Variants in SLC25A38 observed in about 807,000 individuals in gnomAD.
SLC25A38 encodes the protein solute carrier family 25 member 38, also known as mitochondrial glycine transporter.
Under a neutral mutation model 33.4 loss-of-function variants are expected in SLC25A38, and 27 were observed. That is an observed-to-expected ratio of 0.81 (90% CI 0.60 to 1.11). SLC25A38 has a LOEUF of 1.11. Among genes scored for constraint, SLC25A38 ranks in the 50% most tolerant of loss-of-function variants. SLC25A38 has a pLI of 0.00. For synonymous variants in SLC25A38, 123 were observed against 145.9 expected, an observed-to-expected ratio of 0.84 and a Z score of 1.13; for missense variants, 344 against 388.8, an observed-to-expected ratio of 0.88 and a Z score of 0.97.
rs760036812 is a variant in SLC25A38 at position 39,391,593 on chromosome 3, T to C, written c.429T>C (p.Pro143=). The C allele has an allele frequency of 5.6e-6, 9 of 1,614,118 alleles. No individual in the cohort carries two copies. In the East Asian group the frequency reaches 2.0e-4, roughly 36 times the overall value. ...SRSVAGVCMS[P]ITVIKTRYES... Reference sequence around the variant, plus strand: ...CTGTTGCAGGGGTCTGTATGTCACCTATCACTGTAATCAAGACGCGCTATG... The same window carrying C: ...CTGTTGCAGGGGTCTGTATGTCACCCATCACTGTAATCAAGACGCGCTATG... The change falls in exon 4 of 7, where the codon CCT becomes CCC. Residue 143 remains proline, a synonymous_variant. Coordinates refer to ENST00000650617, the MANE Select transcript of SLC25A38 (RefSeq NM_017875.4).
chr3:39,391,970 T>C lies in SLC25A38; in HGVS notation c.574T>C (p.Ser192Pro). 6.2e-7 allele frequency: 1 copy of C among 1,614,236 alleles called. No homozygotes were observed. Among genetic ancestry groups the C allele is most frequent in the South Asian group, 1.1e-5 (1 of 91,082 alleles). The change falls in exon 5 of 7, where the codon TCA (serine) becomes CCA (proline). Residue 192 changes from serine to proline, a missense_variant. Transcript: ENST00000650617. ...AACTCTCCTTCGAGATGCGCCCTTC[T>C]CAGGAATCTACCTGATGTTTTACAA... ...TATLLRDAPFSGIYLMFYNQT... is the reference protein window; with the variant it reads ...TATLLRDAPFPGIYLMFYNQT...
At chr3:39,390,070 A>G (rs1273604018) in intron 2 of SLC25A38, among the ~76,000 whole-genome samples, 1 of 152,172 alleles carries the variant, frequency 6.6e-6, no homozygotes, top group African/African-American at 2.4e-5. Context: ...CCTCCCAGGT[A>G]GCTGGGATTG....
chr3:39,384,231 G>T (rs576561628), intron 1 of SLC25A38, among the ~76,000 whole-genome samples: 1 of 152,336 alleles, frequency 6.6e-6, no homozygotes, highest in East Asian at 1.9e-4. Context: ...GCCCGCGGGC[G>T]GCGGCCTACC....
chr3:39,394,388 T>C (rs373398777), intron 5 of SLC25A38, 22 bp from the exon 6 acceptor site: 25 of 1,607,926 alleles, frequency 1.6e-5, no homozygotes, highest in Non-Finnish European at 2.1e-5. Flanking sequence ...TATGTCCACA[T>C]GTTACCTTTG....
In SLC25A38 at chr3:39,396,383, T is replaced by C; in HGVS notation, c.793-15T>C. 3.1e-6 allele frequency: 5 copies of C among 1,614,054 alleles called. No homozygotes were observed. The highest frequency in any genetic ancestry group is 4.2e-6 in the Non-Finnish European group (5 of 1,180,008). On this transcript the variant is annotated splice_polypyrimidine_tract_variant and intron_variant, in intron 6 of 6. Coordinates refer to ENST00000650617, the MANE Select transcript of SLC25A38 (RefSeq NM_017875.4). ...TACTTTGCTTCCAGAGTTCTGACAT[T>C]TATTTTCACCATAGGACTATGGACT...
At chr3:39,391,347 C>G in intron 3 of SLC25A38, 94 bp from the exon 4 acceptor site, 1 of 1,559,840 alleles carries the variant, frequency 6.4e-7, no homozygotes, top group Non-Finnish European at 8.8e-7. Context: ...CACTTGCATG[C>G]GAATCATCTT....
rs1464404843 is a variant in SLC25A38 at position 39,383,682 on chromosome 3, C to T, written c.-43C>T. On this transcript the variant is annotated 5_prime_UTR_variant, in exon 1 of 7. Coordinates refer to ENST00000650617, the MANE Select transcript of SLC25A38 (RefSeq NM_017875.4). ...TCCAGGGCTGGGCCCAAGCGCCCGT[C>T]GACGGCACCCTGGGCCCAGAGGACT... The T allele has an allele frequency of 1.9e-6, 3 of 1,612,040 alleles. No individual in the cohort carries two copies. The highest frequency in any genetic ancestry group is 8.5e-7 in the Non-Finnish European group (1 of 1,178,432).
intron 5 of SLC25A38, 58 bp from the exon 6 acceptor site, chr3:39,394,352 G>A: frequency 1.2e-6 from 2 of 1,607,248 alleles, no homozygotes; most frequent in Non-Finnish European, 1.7e-6. Flanking sequence ...AACTTGCACT[G>A]ACCTTTATCT....
Position 39,394,374 on chromosome 3 carries a change from G to C in SLC25A38, c.626-36G>C, listed in dbSNP as rs870843. 499,784 of 1,610,960 alleles carry C rather than the reference G, an allele frequency of 0.31. 78,630 individuals are homozygous for C. The highest frequency in any genetic ancestry group is 0.32 in the Non-Finnish European group (379,649 of 1,179,106). On this transcript the variant is annotated intron_variant, in intron 5 of 6. Transcript: ENST00000650617. ...ACTGACCTTTATCTGATTAATATAA[G>C]ATCTATGTCCACATGTTACCTTTGT...
intron 1 of SLC25A38, chr3:39,387,995 C>G (rs1360382193): frequency 1.3e-5 from 2 of 152,402 alleles, no homozygotes; most frequent in Non-Finnish European, 2.9e-5. Flanking sequence ...GGGACTGGCA[C>G]AGAGCAAGTG....
At chr3:39,395,052 T>A (rs979311789) in intron 6 of SLC25A38, among the ~76,000 whole-genome samples, 1 of 152,138 alleles carries the variant, frequency 6.6e-6, no homozygotes, top group African/African-American at 2.4e-5. Context: ...CTGGGCCACA[T>A]TGGAAGAAGA....
chr3:39,394,390 T>C lies in SLC25A38; in HGVS notation c.626-20T>C. ...TTAATATAAGATCTATGTCCACATG[T>C]TACCTTTGTTCTATTTCAGACCAGG... On this transcript the variant is annotated intron_variant, in intron 5 of 6. Coordinates refer to ENST00000650617, the MANE Select transcript of SLC25A38 (RefSeq NM_017875.4). The C allele has an allele frequency of 6.2e-7, 1 of 1,612,220 alleles. No individual in the cohort carries two copies. Among genetic ancestry groups the C allele is most frequent in the East Asian group, 2.2e-5 (1 of 44,870 alleles).
At chr3:39,383,895 A>G in intron 1 of SLC25A38, 102 bp downstream of exon 1, 8 of 1,314,086 alleles carry the variant, frequency 6.1e-6, no homozygotes, top group Non-Finnish European at 8.6e-6. Context: ...TCCGCGCCCC[A>G]GGGTGCGCTC....
intron 4 of SLC25A38, 76 bp from the exon 5 acceptor site, chr3:39,391,777 T>A: frequency 6.2e-7 from 1 of 1,607,712 alleles, no homozygotes; most frequent in South Asian, 1.1e-5. Context: ...TAATGCCCCA[T>A]AACCTGCAGT....
Position 39,386,932 on chromosome 3 carries a change from G to A in SLC25A38, c.70-2563G>A, listed in dbSNP as rs528119919. 1.6e-4 allele frequency among the ~76,000 whole-genome samples: 25 copies of A among 152,340 alleles called. 1 individual carries two copies. Among genetic ancestry groups the A allele is most frequent in the African/African-American group, 5.8e-4 (24 of 41,574 alleles). The stretch of plus-strand genomic sequence containing the variant: ...TGGCCATCTGAGTACGTGGCTGTGT[G>A]AGACTGAGCTCCAGCGAGAGGCTGA... On this transcript the variant is annotated intron_variant, in intron 1 of 6. Coordinates refer to ENST00000650617, the MANE Select transcript of SLC25A38 (RefSeq NM_017875.4).
At chr3:39,385,032 C>T (rs932415527) in intron 1 of SLC25A38, among the ~76,000 whole-genome samples, 2 of 152,072 alleles carry the variant, frequency 1.3e-5, no homozygotes, top group African/African-American at 4.8e-5. Context: ...GAACTCCTGA[C>T]CTCAAGTGAT....
At chr3:39,384,537 A>T in intron 1 of SLC25A38, 2 of 375,764 alleles carry the variant, frequency 5.3e-6, no homozygotes, top group Non-Finnish European at 9.3e-6. Context: ...TTAAAGGCGG[A>T]GACGGCGGCG....
At chr3:39,387,212 C>T (rs2041716245) in intron 1 of SLC25A38, among the ~76,000 whole-genome samples, 1 of 152,142 alleles carries the variant, frequency 6.6e-6, no homozygotes, top group South Asian at 2.1e-4. Context: ...AAGTCCTGGC[C>T]AGTGGCTTCA....
Position 39,389,329 on chromosome 3 carries a change from T to C in SLC25A38, c.70-166T>C. 1 of 1,057,314 alleles carries C rather than the reference T, an allele frequency of 9.5e-7. No homozygotes were observed. The highest frequency in any genetic ancestry group is 2.0e-4 in the Middle Eastern group (1 of 5,078). 65.5% of individuals were successfully genotyped at this position (1,057,314 alleles called of 1,614,324 possible). ...TGTCCTCAATAACATTGCAGTATTTTTAATTTCTGGCTATACTTTTTCCTT... is the reference window on the plus strand; with the variant it reads ...TGTCCTCAATAACATTGCAGTATTTCTAATTTCTGGCTATACTTTTTCCTT... On this transcript the variant is annotated intron_variant, in intron 1 of 6. Coordinates refer to ENST00000650617, the MANE Select transcript of SLC25A38 (RefSeq NM_017875.4). The surrounding 1 kb of genome is among the most constrained non-coding windows in gnomAD (Gnocchi z 4.5).
Sources: gnomAD v4.1 joint callset for allele counts (sites outside exome capture counted in the v4.1 genomes callset) on GRCh38, gnomAD v4.1.1 for gene constraint, Gnocchi (gnomAD v3.1) non-coding constraint, MANE v1.5 for transcripts, NCBI Gene and HGNC (gene_info 2026-07-23, HGNC 2026-07-21) for gene names.